STOX2: variants seen among roughly 807,000 people sequenced by gnomAD.
The protein encoded by STOX2 is storkhead-box protein 2.
STOX2 carries 28 observed loss-of-function variants against 60.9 expected under a neutral mutation model. That is an observed-to-expected ratio of 0.46 (90% CI 0.34 to 0.63). The LOEUF (loss-of-function observed/expected upper bound fraction) is 0.63, where lower values mean the gene tolerates loss of function less well. Ranked by LOEUF, STOX2 falls within the 30% of genes least tolerant of loss-of-function variation. STOX2 has a pLI of 0.01. For missense variants in STOX2, 1,024 were observed against 1,187.7 expected (o/e 0.86, Z 2.03); for synonymous variants, 472 against 463.9 (o/e 1.02, Z -0.22).
intron 1 of STOX2, among the ~76,000 whole-genome samples, chr4:183,890,678 AG>A (rs1354954155): frequency 1.3e-5 from 2 of 152,142 alleles, no homozygotes; most frequent in Non-Finnish European, 2.9e-5. Context: ...AATCAGTCTA[AG>A]GTCTTTGTAT....
At position 183,806,806 on chromosome 4, in the gene STOX2, T is replaced by A. The variant is rs1738899996; in HGVS notation, c.364+8751T>A. On this transcript the variant is annotated intron_variant, in intron 1 of 2. Transcript: ENST00000513034. The surrounding 1 kb of genome is among the most constrained non-coding windows in gnomAD (Gnocchi z 4.1). ...TCCAAATTTTGAGGAAACAAACATT[T>A]ATGTGTTCGTGTTCAGGACGGTAGG... Among the ~76,000 whole-genome samples, 7 of 152,062 alleles carry A rather than the reference T, an allele frequency of 4.6e-5. No individual in the cohort carries two copies.
In STOX2 at chr4:183,855,301, C is replaced by T. The variant is rs796328725; in HGVS notation, c.364+57246C>T. On this transcript the variant is annotated intron_variant, in intron 1 of 2. Coordinates refer to the STOX2 transcript ENST00000513034. ...GCTCTTCTGTTAGGGCAGCCCATGC[C>T]GTTTTTTAAATTAATGGTGCAGATT... 7.9e-5 allele frequency among the ~76,000 whole-genome samples: 12 copies of T among 152,264 alleles called. 1 individual carries two copies. The highest frequency in any genetic ancestry group is 2.6e-4 in the Admixed American group (4 of 15,286).
chr4:183,929,930 C>A (rs1742366716), intron 1 of STOX2, among the ~76,000 whole-genome samples: 1 of 152,162 alleles, frequency 6.6e-6, no homozygotes, highest in Non-Finnish European at 1.5e-5. Flanking sequence ...GTGGCACGAT[C>A]TCGGCTCACT....
intron 1 of STOX2, among the ~76,000 whole-genome samples, chr4:183,986,368 C>T (rs1400893898): frequency 1.3e-5 from 2 of 152,142 alleles, no homozygotes; most frequent in African/African-American, 2.4e-5. Flanking sequence ...TAGTCCAGGA[C>T]AGGGAGGAGA....
chr4:183,956,442 C>A (rs1265783287), intron 1 of STOX2, among the ~76,000 whole-genome samples: 1 of 88,200 alleles, frequency 1.1e-5, no homozygotes, highest in Non-Finnish European at 2.4e-5. Flanking sequence ...TATCATTCAT[C>A]TATCTATCTA....
chr4:184,006,257 G>T (rs10011572), intron 2 of STOX2, among the ~76,000 whole-genome samples: 106,122 of 152,018 alleles, frequency 0.7, 39,147 homozygotes, highest in Non-Finnish European at 0.83. Context: ...CCTTACGAGT[G>T]TTTGAAAAAG....
At chr4:183,799,193 T>A (rs1401880034) in intron 1 of STOX2, among the ~76,000 whole-genome samples, 1 of 152,224 alleles carries the variant, frequency 6.6e-6, no homozygotes, top group Non-Finnish European at 1.5e-5. Context: ...AGAAGAGATC[T>A]TTACAAAGCT....
chr4:183,855,388 C>G (rs767527166), intron 1 of STOX2, among the ~76,000 whole-genome samples: 1 of 152,138 alleles, frequency 6.6e-6, no homozygotes, highest in Non-Finnish European at 1.5e-5. Context: ...GGGCCGTGAG[C>G]CTTTCTGGAC....
At chr4:183,899,895 G>A (rs905383826) in intron 1 of STOX2, among the ~76,000 whole-genome samples, 1 of 152,200 alleles carries the variant, frequency 6.6e-6, no homozygotes, top group Non-Finnish European at 1.5e-5. Context: ...AGATGTCAAT[G>A]TCTGCCTTCA....
At chr4:183,967,080 G>C (rs543381592) in intron 1 of STOX2, among the ~76,000 whole-genome samples, 1 of 152,152 alleles carries the variant, frequency 6.6e-6, no homozygotes, top group African/African-American at 2.4e-5. Flanking sequence ...GAAGTGAGAG[G>C]GGCTGGGCAC....
chr4:183,935,164 C>T (rs75000952), intron 1 of STOX2, among the ~76,000 whole-genome samples: 10,593 of 152,282 alleles, frequency 0.07, 1,240 homozygotes, highest in African/African-American at 0.24. Context: ...CACAGATACT[C>T]CCCAGCATGG....
At position 184,009,290 on chromosome 4, in the gene STOX2, T is replaced by C. The variant is rs1365592551; in HGVS notation, c.452T>C (p.Ile151Thr). 1.2e-6 allele frequency: 2 copies of C among 1,613,834 alleles called. No individual in the cohort carries two copies. Among genetic ancestry groups the C allele is most frequent in the Non-Finnish European group, 8.5e-7 (1 of 1,179,880 alleles). The change falls in exon 3 of 4, where the codon ATA becomes ACA. Residue 151 changes from isoleucine to threonine, a missense_variant. Physicochemically the swap from Ile to Thr is moderately conservative, Grantham distance 89. Around this residue, in one of 3 missense-constraint regions of STOX2, gnomAD observed 922 missense variants for 1,058.3 expected, o/e 0.87. Coordinates refer to ENST00000308497, the MANE Select transcript of STOX2 (RefSeq NM_020225.3). The surrounding 1 kb of genome is among the most constrained non-coding windows in gnomAD (Gnocchi z 4.0). ...ACTTATTTCATAACTCCTTCCCTCA[T>C]AAGAACTAACAGTAAATGGTACCAT... ...PQTYFITPSL[I>T]RTNSKWYHLD...
chr4:183,952,261 A>G (rs1743118839), intron 1 of STOX2, among the ~76,000 whole-genome samples: 1 of 152,226 alleles, frequency 6.6e-6, no homozygotes, highest in Admixed American at 6.5e-5. Flanking sequence ...AAACCGTAAC[A>G]CATCTCATTT....
rs779661970 is a variant in STOX2 at position 184,011,062 on chromosome 4, C to A, written c.2224C>A (p.Leu742Met). The change falls in exon 3 of 4, where the codon CTG becomes ATG. Residue 742 changes from leucine (L) to methionine (M), a missense_variant. By Grantham distance (15) the Leu-to-Met change is conservative. This residue lies in a region of STOX2 where 922 missense variants were observed against 1,058.3 expected (regional missense o/e 0.87). Transcript: ENST00000308497. The surrounding 1 kb of genome is among the most constrained non-coding windows in gnomAD (Gnocchi z 4.4). ...CACATTGCCAGGCCGATGTGAGAAACTGGAACCGTCCCTGGGGACCTCGGC... is the reference window on the plus strand; with the variant it reads ...CACATTGCCAGGCCGATGTGAGAAAATGGAACCGTCCCTGGGGACCTCGGC... ...ADTLPGRCEK[L>M]EPSLGTSAAQ... is the part of the protein sequence containing the mutation. The A allele has an allele frequency of 3.7e-6, 6 of 1,610,378 alleles. No individual in the cohort carries two copies. Among genetic ancestry groups the A allele is most frequent in the Non-Finnish European group, 3.4e-6 (4 of 1,178,182 alleles).
At chr4:183,798,553 C>T (rs1036635861) in intron 1 of STOX2, 1 of 923,604 alleles carries the variant, frequency 1.1e-6, no homozygotes, top group South Asian at 5.0e-5. Context: ...GGGGACGCGC[C>T]GGGAAGCTAG....
chr4:184,009,460 A>G lies in STOX2; in HGVS notation c.622A>G (p.Ser208Gly). ...SCHCCREDVHSTHAPTLQRKS... is the reference protein window; with the variant it reads ...SCHCCREDVHGTHAPTLQRKS... ...CCACTGCTGCAGAGAAGACGTGCAC[A>G]GCACGCATGCACCCACCCTGCAAAG... Residue 208 changes from serine to glycine, a missense_variant, in exon 3 of 4, where the codon AGC (serine) becomes GGC (glycine). Ser to Gly is a moderately conservative substitution (Grantham distance 56). This residue lies in a region of STOX2 where 922 missense variants were observed against 1,058.3 expected (regional missense o/e 0.87). Transcript: ENST00000308497. This position sits in a 1 kb window ranked among gnomAD's most constrained non-coding sequence, Gnocchi z 4.0. The G allele has an allele frequency of 5.6e-6, 9 of 1,614,054 alleles. No individual in the cohort carries two copies. Among genetic ancestry groups the G allele is most frequent in the Non-Finnish European group, 7.6e-6 (9 of 1,179,900 alleles).
At chr4:184,013,712 C>T (rs1459937669) in intron 3 of STOX2, among the ~76,000 whole-genome samples, 3 of 152,228 alleles carry the variant, frequency 2.0e-5, no homozygotes, top group Non-Finnish European at 4.4e-5. Flanking sequence ...AGAAACTTTG[C>T]TCTGCAGTCT....
In STOX2 at chr4:183,934,655, A is replaced by G. The variant is rs922885617; in HGVS notation, c.166+27699A>G. 4.6e-5 allele frequency among the ~76,000 whole-genome samples: 7 copies of G among 152,214 alleles called. No individual in the cohort carries two copies. In the East Asian group the frequency reaches 5.8e-4, roughly 13 times the overall value. On this transcript the variant is annotated intron_variant, in intron 1 of 3. Transcript: ENST00000308497. ...GCAGTTCTTGGCCTTGTCAGCCTCA[A>G]CGAGCCTCCTTTTTTTTTCAAACAA...
intron 1 of STOX2, among the ~76,000 whole-genome samples, chr4:183,964,648 TCTCGGCTCACTGCAACC>T (rs1374569987): frequency 6.6e-5 from 10 of 152,130 alleles, no homozygotes; most frequent in Non-Finnish European, 1.3e-4. Context: ...AGTGGTGCAG[TCTCGGCTCACTGCAACC>T]CCCGCCTCCC....
Sources: allele counts gnomAD v4.1 joint callset (sites outside exome capture counted in the v4.1 genomes callset), GRCh38; gene constraint gnomAD v4.1.1; regional missense constraint gnomAD v4.1.1; non-coding constraint Gnocchi (gnomAD v3.1); transcripts MANE v1.5; gene names NCBI Gene and HGNC (gene_info 2026-07-23, HGNC 2026-07-21).